Variants in AUTS2 observed in about 807,000 individuals in gnomAD.
AUTS2 encodes the protein activator of transcription and developmental regulator AUTS2.
AUTS2 carries 17 observed loss-of-function variants against 112.4 expected under a neutral mutation model. The ratio of observed to expected loss-of-function variants is 0.15; its 90% CI spans 0.10 to 0.23. The LOEUF is 0.23. Ranked by LOEUF, AUTS2 falls within the 10% of genes least tolerant of loss-of-function variation. The pLI is 1.00. For missense variants in AUTS2, 1,510 were observed against 1,701.6 expected (o/e 0.89, Z 1.98); for synonymous variants, 751 against 702.7 (o/e 1.07, Z -1.09).
chr7:69,823,600 G>A (rs1009746352), intron 1 of AUTS2, among the ~76,000 whole-genome samples: 21 of 152,020 alleles, frequency 1.4e-4, no homozygotes, highest in African/African-American at 4.6e-4. Flanking sequence ...TTTTAATTAG[G>A]GGCGACTAAC....
chr7:70,110,976 A>T (rs1805055378), intron 2 of AUTS2, among the ~76,000 whole-genome samples: 1 of 142,690 alleles, frequency 7.0e-6, no homozygotes, highest in African/African-American at 2.6e-5. Flanking sequence ...GGTTCAGGCC[A>T]TTCTCCTGCC....
chr7:69,803,370 G>A lies in AUTS2; in HGVS notation c.310-95916G>A, dbSNP rs576921078. 3.3e-5 allele frequency among the ~76,000 whole-genome samples: 5 copies of A among 152,174 alleles called. No homozygotes were observed. The East Asian group carries it at 9.6e-4, about 29-fold the overall frequency. Reference sequence around the variant, plus strand: ...ATGTGCCAGTGGGGGCCATCTAGAAGCCACCGATGCCCACTAATATAACAA... The same window carrying A: ...ATGTGCCAGTGGGGGCCATCTAGAAACCACCGATGCCCACTAATATAACAA... On this transcript the variant is annotated intron_variant, in intron 1 of 18. Coordinates refer to ENST00000342771, the MANE Select transcript of AUTS2 (RefSeq NM_015570.4).
At chr7:70,063,797 T>C (rs1023292849) in intron 2 of AUTS2, among the ~76,000 whole-genome samples, 1 of 152,190 alleles carries the variant, frequency 6.6e-6, no homozygotes, top group African/African-American at 2.4e-5. Context: ...CTCTCCAGCT[T>C]GGCATGATTG....
At position 70,321,503 on chromosome 7, in the gene AUTS2, G is replaced by A. The variant is rs563676919; in HGVS notation, c.661-114249G>A. 1.5e-4 allele frequency among the ~76,000 whole-genome samples: 23 copies of A among 152,126 alleles called. No homozygotes were observed. The South Asian group carries it at 4.2e-3, about 28-fold the overall frequency. On this transcript the variant is annotated intron_variant, in intron 4 of 18. Transcript: ENST00000342771. ...ATATGCACTCTGATCTTTTTAAAGC[G>A]ATTTCATTATTGTAAAAAATTCTGG...
chr7:70,354,738 G>A (rs535236514), intron 4 of AUTS2, among the ~76,000 whole-genome samples: 1 of 152,116 alleles, frequency 6.6e-6, no homozygotes, highest in African/African-American at 2.4e-5. Context: ...CCTACGCCCT[G>A]TTCCTAAGCT....
In AUTS2 at chr7:69,651,535, A is replaced by G. The variant is rs187079200; in HGVS notation, c.309+51573A>G. Among the ~76,000 whole-genome samples, 81 of 152,342 alleles carry G rather than the reference A, an allele frequency of 5.3e-4. No individual in the cohort carries two copies. The East Asian group carries it at 0.013, about 24-fold the overall frequency. On this transcript the variant is annotated intron_variant, in intron 1 of 18. Transcript: ENST00000342771. Reference sequence around the variant, plus strand: ...GGGGTGAGAAATAGACCCGCCTACTATACTTAAAAGGACTGACTGTGTTTC... The same window carrying G: ...GGGGTGAGAAATAGACCCGCCTACTGTACTTAAAAGGACTGACTGTGTTTC...
intron 5 of AUTS2, among the ~76,000 whole-genome samples, chr7:70,535,314 A>G (rs1290049868): frequency 1.3e-5 from 2 of 152,158 alleles, no homozygotes; most frequent in Non-Finnish European, 2.9e-5. Context: ...ACCAAAGAAC[A>G]AGACATATAT....
chr7:70,671,102 G>A (rs924223412), intron 5 of AUTS2, among the ~76,000 whole-genome samples: 16 of 152,274 alleles, frequency 1.1e-4, no homozygotes, highest in African/African-American at 3.6e-4. Flanking sequence ...AACCTGGTGG[G>A]GGGATGGGGA....
At chr7:69,812,770 TAAC>T (rs1790597786) in intron 1 of AUTS2, among the ~76,000 whole-genome samples, 1 of 152,150 alleles carries the variant, frequency 6.6e-6, no homozygotes, top group Non-Finnish European at 1.5e-5. Context: ...CAGTATTAGT[TAAC>T]AAGCACTGAG....
At position 70,766,259 on chromosome 7, in the gene AUTS2, G is replaced by A; in HGVS notation, c.1614G>A (p.Thr538=). 3 of 1,613,862 alleles carry A rather than the reference G, an allele frequency of 1.9e-6. No homozygotes were observed. Among genetic ancestry groups the A allele is most frequent in the Non-Finnish European group, 2.5e-6 (3 of 1,179,950 alleles). The change falls in exon 9 of 19, where the codon ACG becomes ACA. Residue 538 remains threonine (T), a synonymous_variant. Coordinates refer to ENST00000342771, the MANE Select transcript of AUTS2 (RefSeq NM_015570.4). The surrounding 1 kb of genome is among the most constrained non-coding windows in gnomAD (Gnocchi z 4.8). Reference sequence around the variant, plus strand: ...AGCACCAGCACACCCACCAGCACACGCACCAGCACACCTTCACGCCGTTCC... The same window carrying A: ...AGCACCAGCACACCCACCAGCACACACACCAGCACACCTTCACGCCGTTCC... ...QHQHQHTHQH[T]HQHTFTPFPH...
chr7:70,631,205 G>A lies in AUTS2; in HGVS notation c.691-67364G>A, dbSNP rs760762664. Among the ~76,000 whole-genome samples the A allele has an allele frequency of 2.0e-5, 3 of 152,166 alleles. No homozygotes were observed. Among genetic ancestry groups the A allele is most frequent in the African/African-American group, 4.8e-5 (2 of 41,438 alleles). ...GATTAAAATGTCAGCACAGGATGACGAAGGGGCCAAGAGGGTCCTCAGAGA... is the reference window on the plus strand; with the variant it reads ...GATTAAAATGTCAGCACAGGATGACAAAGGGGCCAAGAGGGTCCTCAGAGA... On this transcript the variant is annotated intron_variant, in intron 5 of 18. Coordinates refer to ENST00000342771, the MANE Select transcript of AUTS2 (RefSeq NM_015570.4). The surrounding 1 kb of genome is among the most constrained non-coding windows in gnomAD (Gnocchi z 4.5).
chr7:70,674,325 A>G (rs1245055525), intron 5 of AUTS2, among the ~76,000 whole-genome samples: 3 of 152,206 alleles, frequency 2.0e-5, no homozygotes, highest in Non-Finnish European at 2.9e-5. Context: ...ACAGATTAAT[A>G]TATGTCTAAC....
At chr7:69,681,862 A>G (rs1394799924) in intron 1 of AUTS2, among the ~76,000 whole-genome samples, 2 of 152,136 alleles carry the variant, frequency 1.3e-5, no homozygotes, top group Non-Finnish European at 2.9e-5. Context: ...AACTGCCCCA[A>G]ATACTAAGTG....
chr7:70,633,700 G>C (rs192959337), intron 5 of AUTS2, among the ~76,000 whole-genome samples: 19 of 151,922 alleles, frequency 1.3e-4, no homozygotes, highest in African/African-American at 4.3e-4. Context: ...CTTGTATATA[G>C]GATATTTGAG....
chr7:70,212,044 A>G (rs973448932), intron 4 of AUTS2, among the ~76,000 whole-genome samples: 1 of 152,182 alleles, frequency 6.6e-6, no homozygotes. Context: ...TTTTAGAATG[A>G]TAGAGTGTCA....
intron 5 of AUTS2, among the ~76,000 whole-genome samples, chr7:70,668,681 G>T (rs1293783118): frequency 6.6e-6 from 1 of 152,222 alleles, no homozygotes; most frequent in Non-Finnish European, 1.5e-5. Context: ...GGCACCTTAA[G>T]TTTATCACGT....
intron 1 of AUTS2, among the ~76,000 whole-genome samples, chr7:69,829,699 C>T (rs553874831): frequency 1.3e-5 from 2 of 152,068 alleles, no homozygotes; most frequent in Non-Finnish European, 2.9e-5. Flanking sequence ...CATCTCATGC[C>T]AAGTCAGAAT....
rs1274878530 is a variant in AUTS2 at position 69,670,370 on chromosome 7, GA to G, written c.309+70413del. Among the ~76,000 whole-genome samples, 9 of 151,976 alleles carry G rather than the reference GA, an allele frequency of 5.9e-5. 1 individual carries two copies. Among genetic ancestry groups the G allele is most frequent in the African/African-American group, 1.7e-4 (7 of 41,370 alleles). On this transcript the variant is annotated intron_variant, in intron 1 of 18. Coordinates refer to ENST00000342771, the MANE Select transcript of AUTS2 (RefSeq NM_015570.4). ...CAAACATTAAATTTGTAGCAGAGGG[GA>G]AAAATTAAATTCCTCCTTTTTGAGA...
At chr7:70,008,115 GT>G (rs756122899) in intron 2 of AUTS2, among the ~76,000 whole-genome samples, 442 of 152,132 alleles carry the variant, frequency 2.9e-3, no homozygotes, top group Admixed American at 5.3e-3. Context: ...ACTCTATGTT[GT>G]GTTTGTTTAA....
Sources: gnomAD v4.1 joint callset for allele counts (sites outside exome capture counted in the v4.1 genomes callset) on GRCh38, gnomAD v4.1.1 for gene constraint, Gnocchi (gnomAD v3.1) non-coding constraint, MANE v1.5 for transcripts, NCBI Gene and HGNC (gene_info 2026-07-23, HGNC 2026-07-21) for gene names.